The following PRCP variants were observed in gnomAD, a reference collection of about 807,000 sequenced individuals.
The protein encoded by PRCP is prolylcarboxypeptidase.
In PRCP, 46 loss-of-function variants were observed where a neutral mutation model predicts 54.2. That is an observed-to-expected ratio of 0.85 (90% CI 0.67 to 1.09). PRCP has a LOEUF of 1.09. Among genes scored for constraint, PRCP ranks in the 50% least tolerant of loss-of-function variants. The pLI is 0.00. For synonymous variants in PRCP, 240 were observed against 212.2 expected (o/e 1.13, Z -1.14); for missense variants, 613 against 596.8 (o/e 1.03, Z -0.28).
chr11:82,846,087 C>G, intron 6 of PRCP: 1 of 152,130 alleles, frequency 6.6e-6, no homozygotes, highest in South Asian at 2.1e-4. Flanking sequence ...TTTTCATAAC[C>G]TAACTGTTAC....
chr11:82,875,464 C>T (rs1301586801), intron 1 of PRCP, among the ~76,000 whole-genome samples: 1 of 152,192 alleles, frequency 6.6e-6, no homozygotes, highest in African/African-American at 2.4e-5. Context: ...TACAATTACT[C>T]AGTTAAAATC....
At chr11:82,852,296 G>A (rs1858977090) in intron 3 of PRCP, among the ~76,000 whole-genome samples, 1 of 152,032 alleles carries the variant, frequency 6.6e-6, no homozygotes. Flanking sequence ...TTTATAATAT[G>A]AGATAGTAAA....
chr11:82,840,004 C>T (rs140214380), intron 6 of PRCP: 3 of 152,262 alleles, frequency 2.0e-5, no homozygotes, highest in African/African-American at 7.2e-5. Context: ...TCCCTCAGTA[C>T]TTAGCAAGGT....
intron 1 of PRCP, chr11:82,884,778 T>C: frequency 2.5e-6 from 4 of 1,608,884 alleles, no homozygotes; most frequent in Non-Finnish European, 3.4e-6. Context: ...GTTCATGGCT[T>C]TCAGCTTGTT....
intron 8 of PRCP, among the ~76,000 whole-genome samples, chr11:82,833,673 A>C (rs1858447462): frequency 6.6e-6 from 1 of 152,112 alleles, no homozygotes; most frequent in Admixed American, 6.5e-5. Flanking sequence ...ATATTTTTTG[A>C]GCATAGATAT....
At chr11:82,826,613 T>G (rs1022372596) in intron 8 of PRCP, 3 of 152,230 alleles carry the variant, frequency 2.0e-5, no homozygotes, top group Admixed American at 6.5e-5. Flanking sequence ...TCTTCAACAC[T>G]TATTATTATC....
At chr11:82,829,457 G>C (rs1285043298) in intron 8 of PRCP, 3 of 152,138 alleles carry the variant, frequency 2.0e-5, no homozygotes, top group Non-Finnish European at 2.9e-5. Flanking sequence ...CTCATGGCTA[G>C]CTCCTTTACT....
At position 82,838,386 on chromosome 11, in the gene PRCP, C is replaced by T. The variant is rs1479187294; in HGVS notation, c.1274+1G>A. The T allele has an allele frequency of 6.2e-7, 1 of 1,600,202 alleles. No homozygotes were observed. Among genetic ancestry groups the T allele is most frequent in the Non-Finnish European group, 8.5e-7 (1 of 1,174,110 alleles). On this transcript the variant is annotated splice_donor_variant, in intron 8 of 8. Transcript: ENST00000313010. LOFTEE classifies it high-confidence loss of function. ...TTTATCTTTGGACAGCAAAAACTCACCTGAAAACAATGTTTGTGTGTGAAC... is the reference window on the plus strand; with the variant it reads ...TTTATCTTTGGACAGCAAAAACTCATCTGAAAACAATGTTTGTGTGTGAAC...
intron 2 of PRCP, among the ~76,000 whole-genome samples, chr11:82,857,663 T>C (rs1859123300): frequency 6.6e-6 from 1 of 152,238 alleles, no homozygotes; most frequent in African/African-American, 2.4e-5. Flanking sequence ...TTTAGTGAGT[T>C]CCTGCTCCCT....
At chr11:82,859,216 G>A (rs1311125866) in intron 2 of PRCP, among the ~76,000 whole-genome samples, 2 of 152,054 alleles carry the variant, frequency 1.3e-5, no homozygotes, top group African/African-American at 2.4e-5. Flanking sequence ...AATGGATTTC[G>A]GCATTATAAA....
intron 2 of PRCP, among the ~76,000 whole-genome samples, chr11:82,856,963 G>A (rs1489708295): frequency 8.0e-5 from 12 of 150,258 alleles, no homozygotes; most frequent in African/African-American, 2.9e-4. Context: ...GTGAACCTGG[G>A]AGGCGAAGCT....
At chr11:82,872,229 C>A (rs192232971) in intron 1 of PRCP, among the ~76,000 whole-genome samples, 1 of 152,258 alleles carries the variant, frequency 6.6e-6, no homozygotes, top group Admixed American at 6.5e-5. Context: ...TGAAACGTAT[C>A]CCCCGCGAAG....
intron 2 of PRCP, among the ~76,000 whole-genome samples, chr11:82,855,576 G>A (rs1415288419): frequency 1.3e-5 from 2 of 152,062 alleles, no homozygotes; most frequent in East Asian, 1.9e-4. Flanking sequence ...CCCAGATCAC[G>A]CCACTGCACT....
upstream of PRCP, chr11:82,901,042 T>G (rs1051350939): frequency 2.6e-6 from 1 of 380,064 alleles, no homozygotes; most frequent in Non-Finnish European, 5.3e-6. Context: ...GTGCGGGAAC[T>G]TGCACTAGAT....
At chr11:82,889,538 C>G (rs1261079778) in intron 1 of PRCP, among the ~76,000 whole-genome samples, 1 of 151,566 alleles carries the variant, frequency 6.6e-6, no homozygotes, top group Non-Finnish European at 1.5e-5. Context: ...GCTGCAGAAG[C>G]AGCAGCAGAA....
chr11:82,840,475 G>A (rs1387446593), intron 6 of PRCP: 1 of 151,954 alleles, frequency 6.6e-6, no homozygotes, highest in African/African-American at 2.4e-5. Context: ...TTTTAAAATA[G>A]GATAAATTAA....
At chr11:82,843,078 G>A (rs1469464436) in intron 6 of PRCP, 1 of 152,454 alleles carries the variant, frequency 6.6e-6, no homozygotes, top group Non-Finnish European at 1.5e-5. Context: ...GGGAGGCCCA[G>A]GCAGTAGGAC....
intron 6 of PRCP, among the ~76,000 whole-genome samples, chr11:82,848,486 C>T (rs1858864917): frequency 6.6e-6 from 1 of 152,200 alleles, no homozygotes; most frequent in Non-Finnish European, 1.5e-5. Context: ...TAAGATCACA[C>T]AGTTGGTAAG....
At chr11:82,901,090 T>TGGGTCC (rs1411983718), upstream of PRCP, 4 of 363,162 alleles carry the variant, frequency 1.1e-5, no homozygotes, top group Non-Finnish European at 2.2e-5. Flanking sequence ...CGCAGACCGC[T>TGGGTCC]GGGTCCAGGT....
Sources: gnomAD v4.1 joint callset for allele counts (sites outside exome capture counted in the v4.1 genomes callset) on GRCh38, gnomAD v4.1.1 for gene constraint, MANE v1.5 for transcripts, NCBI Gene and HGNC (gene_info 2026-07-23, HGNC 2026-07-21) for gene names.